Variants in RBMX2 observed in about 807,000 individuals in gnomAD.
RBMX2 encodes the protein RNA binding motif protein X-linked 2.
For synonymous variants in RBMX2, 77 were observed against 94.3 expected (o/e 0.82, Z 1.07); for missense variants, 191 against 256.0 (o/e 0.75, Z 1.73).
intron 2 of RBMX2, 79 bp from the exon 3 acceptor site, chrX:130,403,723 T>C: frequency 1.1e-6 from 1 of 927,315 alleles, no homozygotes. Context: ...TTTCCACCCC[T>C]AGTGCCTGGC....
intron 5 of RBMX2, among the ~76,000 whole-genome samples, chrX:130,411,857 C>T (rs190111261): frequency 2.7e-5 from 3 of 111,484 alleles, no homozygotes; most frequent in East Asian, 2.8e-4. Flanking sequence ...GTTGGCTTCT[C>T]GGAGGCACTC....
At position 130,402,012 on chromosome X, in the gene RBMX2, G is replaced by T. The variant is rs757458030; in HGVS notation, c.-21G>T. The T allele has an allele frequency of 1.2e-5, 14 of 1,193,990 alleles. No individual in the cohort carries two copies. Among genetic ancestry groups the T allele is most frequent in the Admixed American group, 6.9e-5 (3 of 43,211 alleles). On this transcript the variant is annotated 5_prime_UTR_variant, in exon 1 of 6. Transcript: ENST00000305536. ...CTTTCCCGGGCGCTGATTCCTGAGTGCTGAGCGCGAACCCGAGGAGATGAA... is the reference window on the plus strand; with the variant it reads ...CTTTCCCGGGCGCTGATTCCTGAGTTCTGAGCGCGAACCCGAGGAGATGAA...
At chrX:130,411,626 A>C in intron 5 of RBMX2, 101 bp downstream of exon 5, 1 of 810,775 alleles carries the variant, frequency 1.2e-6, no homozygotes, top group Non-Finnish European at 1.7e-6. Context: ...TGAAAGGGGA[A>C]GGTGTGGGGA....
chrX:130,403,962 A>G, intron 3 of RBMX2, 109 bp downstream of exon 3: 1 of 766,413 alleles, frequency 1.3e-6, no homozygotes, highest in Non-Finnish European at 2.0e-6. Flanking sequence ...GCTGAATGGC[A>G]TCCCTGCATG....
At chrX:130,407,665 CTTT>C (rs1019718080) in intron 3 of RBMX2, among the ~76,000 whole-genome samples, 1 of 100,117 alleles carries the variant, frequency 1.0e-5, no homozygotes. Context: ...AATGTTTTTT[CTTT>C]TTTTTTTTTT....
intron 1 of RBMX2, 31 bp from the exon 2 acceptor site, chrX:130,402,224 T>TAACCC: frequency 6.8e-6 from 8 of 1,174,322 alleles, no homozygotes; most frequent in Non-Finnish European, 9.2e-6. Flanking sequence ...CTTTTCTGCC[T>TAACCC]ACCCTCCCCA....
chrX:130,406,836 A>T (rs766295060), intron 3 of RBMX2, among the ~76,000 whole-genome samples: 1 of 111,201 alleles, frequency 9.0e-6, no homozygotes, highest in African/African-American at 3.3e-5. Flanking sequence ...GGGTAATTTT[A>T]TACCCTCAAT....
intron 4 of RBMX2, among the ~76,000 whole-genome samples, chrX:130,410,448 G>A (rs1014481907): frequency 1.8e-5 from 2 of 110,896 alleles, no homozygotes; most frequent in Non-Finnish European, 1.9e-5. Context: ...GTGCAGTGGC[G>A]TGGTCTTGGA....
chrX:130,412,145 C>T (rs2034516014), intron 5 of RBMX2, among the ~76,000 whole-genome samples: 1 of 103,916 alleles, frequency 9.6e-6, no homozygotes, highest in South Asian at 4.5e-4. Context: ...CCAGGATGGT[C>T]TTGATCTCCT....
At chrX:130,402,485 C>G in intron 2 of RBMX2, 115 bp downstream of exon 2, 2 of 1,073,179 alleles carry the variant, frequency 1.9e-6, no homozygotes, top group Admixed American at 6.6e-5. Context: ...CCTTCATATC[C>G]ATCTGCTGTC....
chrX:130,402,174 G>A, intron 1 of RBMX2, 81 bp from the exon 2 acceptor site: 1 of 1,165,282 alleles, frequency 8.6e-7, no homozygotes, highest in South Asian at 1.9e-5. Flanking sequence ...CCCTAGTTTT[G>A]CTCTTCCTCA....
chrX:130,402,098 A>T, intron 1 of RBMX2, 61 bp downstream of exon 1: 1 of 1,182,292 alleles, frequency 8.5e-7, no homozygotes, highest in Admixed American at 2.4e-5. Context: ...GTCCACCGGG[A>T]CTGGTGTGGT....
In RBMX2 at chrX:130,413,413, CAT is replaced by C. The variant is rs1183441985; in HGVS notation, c.*567_*568del. 2 of 112,528 alleles carry C rather than the reference CAT, an allele frequency of 1.8e-5. No homozygotes were observed. The highest frequency in any genetic ancestry group is 2.8e-4 in the East Asian group (1 of 3,618). 9.3% of individuals were successfully genotyped at this position (112,528 alleles called of 1,213,427 possible). On this transcript the variant is annotated 3_prime_UTR_variant, in exon 6 of 6. Coordinates refer to ENST00000305536, the MANE Select transcript of RBMX2 (RefSeq NM_016024.4). The stretch of plus-strand genomic sequence containing the variant: ...TTGTATTTAGGTGAAATTCACATAA[CAT>C]AAAGTTAACCATTTTAAAGGGAACA...
intron 5 of RBMX2, 82 bp from the exon 6 acceptor site, chrX:130,412,279 A>T: frequency 9.6e-7 from 1 of 1,038,452 alleles, no homozygotes; most frequent in Non-Finnish European, 1.3e-6. Context: ...TTCAGAAAAG[A>T]AAGGTGCTTT....
chrX:130,412,337 C>T, intron 5 of RBMX2, 24 bp from the exon 6 acceptor site: 4 of 1,041,135 alleles, frequency 3.8e-6, no homozygotes, highest in East Asian at 3.4e-5. Flanking sequence ...TTCTTATTTA[C>T]TGCTTCTTTC....
intron 1 of RBMX2, 31 bp from the exon 2 acceptor site, chrX:130,402,224 T>TTCCCGCC: frequency 1.7e-6 from 2 of 1,174,328 alleles, no homozygotes; most frequent in Non-Finnish European, 2.3e-6. Flanking sequence ...CTTTTCTGCC[T>TTCCCGCC]ACCCTCCCCA....
chrX:130,411,983 C>T (rs943432107), intron 5 of RBMX2, among the ~76,000 whole-genome samples: 1 of 111,576 alleles, frequency 9.0e-6, no homozygotes, highest in Non-Finnish European at 1.9e-5. Context: ...AGTGCAGTGG[C>T]ACGATCTCGG....
intron 5 of RBMX2, among the ~76,000 whole-genome samples, chrX:130,412,040 A>G (rs758724638): frequency 9.1e-6 from 1 of 110,205 alleles, no homozygotes; most frequent in Non-Finnish European, 1.9e-5. Flanking sequence ...CTCCTGCCTC[A>G]GCCTTCTGAG....
rs750909780 is a variant in RBMX2, at chrX:130,412,427, A to G, written c.548A>G (p.Gln183Arg). The change falls in exon 6 of 6, where the codon CAA becomes CGA. Residue 183 changes from glutamine to arginine, a missense_variant. Coordinates refer to ENST00000305536, the MANE Select transcript of RBMX2 (RefSeq NM_016024.4). ...EKADREVQAE[Q>R]PSSSSPRRKT... Reference sequence around the variant, plus strand: ...GCCGACCGGGAGGTACAGGCAGAGCAACCATCCTCTTCGTCACCCAGACGC... The same window carrying G: ...GCCGACCGGGAGGTACAGGCAGAGCGACCATCCTCTTCGTCACCCAGACGC... The G allele has an allele frequency of 4.1e-6, 5 of 1,209,940 alleles. No individual in the cohort carries two copies. The Admixed American group carries it at 1.1e-4, about 26-fold the overall frequency.
Sources: allele counts gnomAD v4.1 joint callset (sites outside exome capture counted in the v4.1 genomes callset), GRCh38; gene constraint gnomAD v4.1.1; transcripts MANE v1.5; gene names NCBI Gene and HGNC (gene_info 2026-07-23, HGNC 2026-07-21).